The following RBFOX1 variants were observed in gnomAD, a reference collection of about 807,000 sequenced individuals.
The protein encoded by RBFOX1 is RNA binding protein fox-1 homolog 1.
RBFOX1 carries 8 observed loss-of-function variants against 57.7 expected under a neutral mutation model. That is an observed-to-expected ratio of 0.14 (90% confidence interval 0.08 to 0.25). RBFOX1 has a LOEUF of 0.25. Ranked by LOEUF, RBFOX1 falls within the 10% of genes least tolerant of loss-of-function variation. The probability of loss-of-function intolerance (pLI) is 1.00; values close to 1 mark genes in which losing one functional copy is unlikely to be tolerated. For synonymous variants in RBFOX1, 326 were observed against 222.4 expected, an observed-to-expected ratio of 1.47 and a Z score of -4.15; for missense variants, 611 against 548.5, an observed-to-expected ratio of 1.11 and a Z score of -1.14.
chr16:5,689,765 CT>C (rs1156255995), intron 3 of RBFOX1, among the ~76,000 whole-genome samples: 2 of 150,650 alleles, frequency 1.3e-5, no homozygotes, highest in Admixed American at 6.6e-5. Flanking sequence ...GGGACAAGAT[CT>C]TTGGTCTTAG....
At chr16:7,347,184 A>G (rs867229507) in intron 4 of RBFOX1, among the ~76,000 whole-genome samples, 12 of 152,148 alleles carry the variant, frequency 7.9e-5, no homozygotes, top group Admixed American at 2.0e-4. Flanking sequence ...GGTTGCTGCT[A>G]TCATCCTACA....
At chr16:7,040,495 T>C (rs192067621) in intron 3 of RBFOX1, among the ~76,000 whole-genome samples, 153 of 152,308 alleles carry the variant, frequency 1.0e-3, no homozygotes, top group Non-Finnish European at 1.8e-3. Context: ...TGCATGCTCA[T>C]TGCAATAAGT....
chr16:6,682,314 C>T (rs755004053), intron 3 of RBFOX1, among the ~76,000 whole-genome samples: 1 of 152,152 alleles, frequency 6.6e-6, no homozygotes, highest in Non-Finnish European at 1.5e-5. Flanking sequence ...CGTCGATTTC[C>T]CAGCTGACCA....
chr16:5,955,126 A>C, intron 4 of RBFOX1, among the ~76,000 whole-genome samples: 1 of 112,836 alleles, frequency 8.9e-6, no homozygotes, highest in Non-Finnish European at 1.8e-5. Flanking sequence ...ACTAAAAAAA[A>C]AAAAAAAAAA....
intron 1 of RBFOX1, among the ~76,000 whole-genome samples, chr16:6,211,520 G>T (rs1598402444): frequency 6.6e-6 from 1 of 152,186 alleles, no homozygotes; most frequent in East Asian, 1.9e-4. Context: ...GAGCCACCTC[G>T]CCCAGCCAAT....
At chr16:7,427,046 T>C (rs1483890094) in intron 4 of RBFOX1, among the ~76,000 whole-genome samples, 11 of 152,138 alleles carry the variant, frequency 7.2e-5, no homozygotes, top group Admixed American at 1.3e-4. Context: ...TTCTCACTCA[T>C]AGGTGGGAAC....
At chr16:6,897,970 C>G (rs555261505) in intron 3 of RBFOX1, among the ~76,000 whole-genome samples, 4 of 152,246 alleles carry the variant, frequency 2.6e-5, no homozygotes, top group Admixed American at 6.5e-5. Context: ...TTATAGGTAA[C>G]TTAAGGTCTG....
rs575237766 is a variant in RBFOX1 at position 7,636,491 on chromosome 16, C to T, written c.757+5808C>T. Among the ~76,000 whole-genome samples, 35 of 152,338 alleles carry T rather than the reference C, an allele frequency of 2.3e-4. No homozygotes were observed. In the South Asian group the frequency reaches 2.7e-3, roughly 12 times the overall value. On this transcript the variant is annotated intron_variant, in intron 11 of 15. Transcript: ENST00000550418. ...ACCTATGAATGGTTCAGATGTTACA[C>T]GTGTATTTCCTGTTTTGACGATTGA...
chr16:7,225,060 A>G (rs1397224711), intron 4 of RBFOX1, among the ~76,000 whole-genome samples: 3 of 152,210 alleles, frequency 2.0e-5, no homozygotes, highest in Non-Finnish European at 1.5e-5. Flanking sequence ...ATAAAGTGAT[A>G]TGTTTAAAAC....
At chr16:6,131,310 G>C (rs953798245) in intron 1 of RBFOX1, among the ~76,000 whole-genome samples, 14 of 152,210 alleles carry the variant, frequency 9.2e-5, no homozygotes, top group African/African-American at 3.4e-4. Context: ...TAAACAAAAT[G>C]TTATTGGTAC....
In RBFOX1 at chr16:6,243,066, A is replaced by G. The variant is rs139540932; in HGVS notation, c.-126-73929A>G. ...CATTGTTAACAGAGAGTGAAGGTAAATATTCCCACTCATGTAAGAGTCTTA... is the reference window on the plus strand; with the variant it reads ...CATTGTTAACAGAGAGTGAAGGTAAGTATTCCCACTCATGTAAGAGTCTTA... On this transcript the variant is annotated intron_variant, in intron 1 of 15. Transcript: ENST00000550418. 1.1e-4 allele frequency among the ~76,000 whole-genome samples: 16 copies of G among 152,248 alleles called. No homozygotes were observed. In the East Asian group the frequency reaches 2.7e-3, roughly 26 times the overall value.
At chr16:5,578,134 T>G (rs2046530801) in intron 2 of RBFOX1, among the ~76,000 whole-genome samples, 1 of 152,142 alleles carries the variant, frequency 6.6e-6, no homozygotes, top group South Asian at 2.1e-4. Context: ...GTAATTTTAG[T>G]AGCGACAGGG....
At chr16:5,279,188 C>A (rs760337185) in intron 1 of RBFOX1, among the ~76,000 whole-genome samples, 2 of 152,082 alleles carry the variant, frequency 1.3e-5, no homozygotes, top group African/African-American at 4.8e-5. Flanking sequence ...GTCATTTTCA[C>A]AATATTAGTT....
intron 2 of RBFOX1, among the ~76,000 whole-genome samples, chr16:5,498,024 A>C (rs1395725746): frequency 6.6e-6 from 1 of 152,166 alleles, no homozygotes; most frequent in Non-Finnish European, 1.5e-5. Context: ...TGTCATTTTC[A>C]AGGAAGAGAG....
intron 9 of RBFOX1, among the ~76,000 whole-genome samples, chr16:7,598,000 C>T (rs1010603995): frequency 6.6e-6 from 1 of 152,112 alleles, no homozygotes; most frequent in East Asian, 1.9e-4. Flanking sequence ...TTACAGACCC[C>T]ATCAGGACAA....
At chr16:7,315,735 C>T (rs1015275997) in intron 4 of RBFOX1, among the ~76,000 whole-genome samples, 1 of 151,876 alleles carries the variant, frequency 6.6e-6, no homozygotes, top group Admixed American at 6.6e-5. Context: ...AAGCAGGTGT[C>T]CAGCAAATGC....
chr16:7,415,598 T>A (rs1241049693), intron 4 of RBFOX1, among the ~76,000 whole-genome samples: 1 of 152,114 alleles, frequency 6.6e-6, no homozygotes, highest in Non-Finnish European at 1.5e-5. Flanking sequence ...ATTTATAATA[T>A]ACGTAATATT....
chr16:5,448,925 C>A (rs899289205), intron 1 of RBFOX1, among the ~76,000 whole-genome samples: 2 of 152,072 alleles, frequency 1.3e-5, no homozygotes, highest in Admixed American at 1.3e-4. Flanking sequence ...GAATACGTGT[C>A]TCCTCCCACT....
intron 4 of RBFOX1, among the ~76,000 whole-genome samples, chr16:5,976,332 A>G (rs144239707): frequency 1.1e-3 from 162 of 152,052 alleles, no homozygotes; most frequent in African/African-American, 3.6e-3. Flanking sequence ...GCTCACATAG[A>G]CTCCTTTATG....
Sources: gnomAD v4.1 joint callset for allele counts (sites outside exome capture counted in the v4.1 genomes callset) on GRCh38, gnomAD v4.1.1 for gene constraint, MANE v1.5 for transcripts, NCBI Gene and HGNC (gene_info 2026-07-23, HGNC 2026-07-21) for gene names.